USP49: variants seen among roughly 807,000 people sequenced by gnomAD.
USP49 encodes ubiquitin specific peptidase 49, also known as ubiquitin carboxyl-terminal hydrolase 49.
Under a neutral mutation model 58.6 loss-of-function variants are expected in USP49, and 24 were observed. The ratio of observed to expected loss-of-function variants is 0.41; its 90% CI spans 0.30 to 0.58. The LOEUF is 0.58. Ranked by LOEUF, USP49 falls within the 20% of genes least tolerant of loss-of-function variation. USP49 has a pLI of 0.30. For missense variants in USP49, 703 were observed against 866.1 expected, an observed-to-expected ratio of 0.81 and a Z score of 2.36; for synonymous variants, 408 against 365.1, an observed-to-expected ratio of 1.12 and a Z score of -1.34.
rs1212240988 is a variant in USP49, at chr6:41,803,892, G to C, written c.1475C>G (p.Thr492Arg). 3.1e-6 allele frequency: 5 copies of C among 1,614,064 alleles called. 1 individual carries two copies. Among genetic ancestry groups the C allele is most frequent in the East Asian group, 2.2e-5 (1 of 44,890 alleles). The change falls in exon 5 of 8, where the codon ACA becomes AGA. Residue 492 changes from threonine to arginine, a missense_variant. Physicochemically the swap from Thr to Arg is moderately conservative, Grantham distance 71. Transcript: ENST00000682992. The surrounding 1 kb of genome is among the most constrained non-coding windows in gnomAD (Gnocchi z 4.1). The stretch of plus-strand genomic sequence containing the variant: ...CAGCATCTCAGTGAGCAAGCACTCT[G>C]TTTGATTCAAAGGGACAAACCCCTT... ...IEKGFVPLNQTECLLTEMLAK... is the reference protein window; with the variant it reads ...IEKGFVPLNQRECLLTEMLAK...
chr6:41,845,477 G>C (rs896966530), intron 3 of USP49, among the ~76,000 whole-genome samples: 1 of 151,638 alleles, frequency 6.6e-6, no homozygotes, highest in African/African-American at 2.4e-5. Flanking sequence ...CTGAGATGGC[G>C]CCATTGCACT....
intron 3 of USP49, among the ~76,000 whole-genome samples, chr6:41,807,869 G>T (rs983457057): frequency 1.3e-5 from 2 of 151,398 alleles, no homozygotes; most frequent in Admixed American, 6.6e-5. Flanking sequence ...TGCCTCCCTG[G>T]TTCAAGCGAT....
chr6:41,829,232 T>C (rs6899876), intron 3 of USP49, among the ~76,000 whole-genome samples: 34,420 of 152,170 alleles, frequency 0.23, 4,201 homozygotes, highest in East Asian at 0.29. Context: ...TTTTGTATGG[T>C]TGAATCAAAA....
At chr6:41,855,656 C>T (rs755386109) in intron 3 of USP49, among the ~76,000 whole-genome samples, 1 of 152,226 alleles carries the variant, frequency 6.6e-6, no homozygotes, top group African/African-American at 2.4e-5. Flanking sequence ...CTGATCCCGC[C>T]ATTTTAATGC....
At chr6:41,887,939 T>C (rs542838161) in intron 2 of USP49, among the ~76,000 whole-genome samples, 49 of 151,838 alleles carry the variant, frequency 3.2e-4, no homozygotes, top group Admixed American at 9.8e-4. Flanking sequence ...TCTTTAAAAA[T>C]AGCCCATGTC....
At chr6:41,849,759 C>T (rs1019189359) in intron 3 of USP49, among the ~76,000 whole-genome samples, 9 of 152,096 alleles carry the variant, frequency 5.9e-5, no homozygotes, top group East Asian at 1.9e-4. Flanking sequence ...AGGCACGCGC[C>T]GCCACGCCCA....
chr6:41,872,987 C>G (rs1026024036), intron 2 of USP49: 4 of 152,056 alleles, frequency 2.6e-5, no homozygotes, highest in African/African-American at 9.7e-5. Flanking sequence ...AGGTGGTTTG[C>G]TGCAGAATGG....
chr6:41,852,306 C>T (rs910868552), intron 3 of USP49, among the ~76,000 whole-genome samples: 1 of 152,020 alleles, frequency 6.6e-6, no homozygotes, highest in Non-Finnish European at 1.5e-5. Flanking sequence ...GCCTGGGCAA[C>T]GAGAGTGAAA....
At chr6:41,886,165 G>A (rs1369252628) in intron 2 of USP49, among the ~76,000 whole-genome samples, 1 of 152,170 alleles carries the variant, frequency 6.6e-6, no homozygotes, top group East Asian at 1.9e-4. Flanking sequence ...CATGCAATCA[G>A]TGTATAGCCA....
At chr6:41,802,122 G>C (rs1303994985) in intron 5 of USP49, among the ~76,000 whole-genome samples, 1 of 151,522 alleles carries the variant, frequency 6.6e-6, no homozygotes, top group East Asian at 1.9e-4. Flanking sequence ...TAGTTAACCA[G>C]GTATAAAATT....
rs182053911 is a variant in USP49 at position 41,879,138 on chromosome 6, T to C, written c.-102-7501A>G. ...AGAGAGGTATGGTGGCTCATGCCTA[T>C]AATCCCAGCACTTTCAGAGGCCAGA... On this transcript the variant is annotated intron_variant, in intron 2 of 7. Coordinates refer to ENST00000682992, the MANE Select transcript of USP49 (RefSeq NM_001286554.2). 2.5e-3 allele frequency among the ~76,000 whole-genome samples: 375 copies of C among 152,326 alleles called. 2 individuals are homozygous for C. Among genetic ancestry groups the C allele is most frequent in the African/African-American group, 8.5e-3 (355 of 41,570 alleles).
chr6:41,798,068 A>G (rs1772917992), intron 7 of USP49: 1 of 154,294 alleles, frequency 6.5e-6, no homozygotes, highest in Non-Finnish European at 1.4e-5. Context: ...CAGTCTCGCT[A>G]TGTTGCCCAG....
At chr6:41,846,403 CAG>C (rs1773924326) in intron 3 of USP49, among the ~76,000 whole-genome samples, 1 of 152,142 alleles carries the variant, frequency 6.6e-6, no homozygotes, top group African/African-American at 2.4e-5. Flanking sequence ...CCTTCCCCAA[CAG>C]AGACACAGAG....
intron 4 of USP49, among the ~76,000 whole-genome samples, chr6:41,804,739 G>A (rs2127322307): frequency 6.6e-6 from 1 of 151,748 alleles, no homozygotes; most frequent in South Asian, 2.1e-4. Context: ...CCCCCACCAC[G>A]TTTTTTTGTT....
rs572579161 is a variant in USP49, at chr6:41,836,646, C to T, written c.-28-29635G>A. On this transcript the variant is annotated intron_variant, in intron 3 of 7. Transcript: ENST00000682992. ...CAAGGTAGCATAAGAAAAAGTAAAT[C>T]GATAAATAAAAATACAAAATACAAA... 3.9e-5 allele frequency among the ~76,000 whole-genome samples: 6 copies of T among 152,062 alleles called. No homozygotes were observed. In the East Asian group the frequency reaches 1.2e-3, roughly 29 times the overall value.
At chr6:41,844,791 T>C (rs1773892990) in intron 3 of USP49, among the ~76,000 whole-genome samples, 1 of 152,228 alleles carries the variant, frequency 6.6e-6, no homozygotes, top group Non-Finnish European at 1.5e-5. Flanking sequence ...AACCGCTGTA[T>C]CTGTATAACT....
chr6:41,824,083 C>T (rs780078384), intron 3 of USP49, among the ~76,000 whole-genome samples: 1 of 152,164 alleles, frequency 6.6e-6, no homozygotes, highest in Non-Finnish European at 1.5e-5. Flanking sequence ...AATCAAAATA[C>T]TGGCTGACTT....
rs1181189002 is a variant in USP49 at position 41,895,325 on chromosome 6, G to A, written c.-186C>T. On this transcript the variant is annotated splice_region_variant and 5_prime_UTR_variant, in exon 1 of 8. Coordinates refer to ENST00000682992, the MANE Select transcript of USP49 (RefSeq NM_001286554.2). ...CCTCCCCCGGCCCCCTCTATTTACCGCCATCATCAGCACGCGCGAGCTGTC... is the reference window on the plus strand; with the variant it reads ...CCTCCCCCGGCCCCCTCTATTTACCACCATCATCAGCACGCGCGAGCTGTC... The A allele has an allele frequency of 1.2e-5, 1 of 85,290 alleles. No individual in the cohort carries two copies. Among genetic ancestry groups the A allele is most frequent in the Non-Finnish European group, 2.2e-5 (1 of 44,806 alleles). The allele number at this position is 85,290 out of a possible 1,614,324, so 5.3% of individuals were successfully genotyped here. A position where few individuals can be genotyped will look rare whatever the true frequency, so the allele number is the denominator to read the frequency against.
intron 5 of USP49, among the ~76,000 whole-genome samples, chr6:41,802,452 A>ATTTT (rs1561902624): frequency 1.3e-4 from 8 of 63,800 alleles, no homozygotes; most frequent in African/African-American, 2.9e-4. Context: ...TTATTTATTT[A>ATTTT]TTTATTTATT....
Sources: gnomAD v4.1 joint callset for allele counts (sites outside exome capture counted in the v4.1 genomes callset) on GRCh38, gnomAD v4.1.1 for gene constraint, Gnocchi (gnomAD v3.1) non-coding constraint, MANE v1.5 for transcripts, NCBI Gene and HGNC (gene_info 2026-07-23, HGNC 2026-07-21) for gene names.